The following SOCS7 variants were observed in gnomAD, a reference collection of about 807,000 sequenced individuals.
SOCS7 encodes NAP-4.
In SOCS7, 18 loss-of-function variants were observed where a neutral mutation model predicts 58.9. The ratio of observed to expected loss-of-function variants is 0.31; its 90% CI spans 0.21 to 0.45. The LOEUF is 0.45. Among genes scored for constraint, SOCS7 ranks in the 20% least tolerant of loss-of-function variants. SOCS7 has a pLI of 1.00. For missense variants in SOCS7, 667 were observed against 837.3 expected, an observed-to-expected ratio of 0.80 and a Z score of 2.51; for synonymous variants, 388 against 364.3, an observed-to-expected ratio of 1.06 and a Z score of -0.74.
chr17:38,352,122 C>T lies in SOCS7; in HGVS notation c.70C>T (p.Leu24Phe), dbSNP rs1285011125. The T allele has an allele frequency of 2.1e-6, 2 of 958,670 alleles. No individual in the cohort carries two copies. The highest frequency in any genetic ancestry group is 9.0e-5 in the Admixed American group (2 of 22,278). 59.4% of individuals were successfully genotyped at this position (958,670 alleles called of 1,614,324 possible). ...CGCTTCGTACCGCGTCCTGAGCCGC[C>T]TCCTTGGCTATGGAGAGGCGGCCCC... Reference protein sequence around the residue: ...AAASYRVLSRLLGYGEAAPEP... With the variant: ...AAASYRVLSRFLGYGEAAPEP... Residue 24 changes from leucine (L) to phenylalanine (F), a missense_variant, in exon 1 of 10, where the codon CTC becomes TTC. Physicochemically the swap from Leu to Phe is conservative, Grantham distance 22. This residue lies in a region of SOCS7 where 65 missense variants were observed against 51.0 expected (regional missense o/e 1.27). Transcript: ENST00000612932. This position sits in a 1 kb window ranked among gnomAD's most constrained non-coding sequence, Gnocchi z 5.5.
chr17:38,398,423 T>A (rs1445534768), intron 9 of SOCS7, among the ~76,000 whole-genome samples: 1 of 151,854 alleles, frequency 6.6e-6, no homozygotes, highest in Non-Finnish European at 1.5e-5. Flanking sequence ...TTTTGTATTT[T>A]TAGTAGACTG....
chr17:38,384,012 GT>G (rs1480056208), intron 7 of SOCS7, among the ~76,000 whole-genome samples: 54 of 152,150 alleles, frequency 3.5e-4, no homozygotes, highest in African/African-American at 1.3e-3. Flanking sequence ...GTTCGTCCTT[GT>G]TTTATAGGTA....
chr17:38,386,574 A>G (rs181209262), intron 7 of SOCS7, among the ~76,000 whole-genome samples: 1 of 152,240 alleles, frequency 6.6e-6, no homozygotes, highest in East Asian at 1.9e-4. Flanking sequence ...TTGTGATCTT[A>G]GCAGCTGTTC....
chr17:38,352,620 A>G lies in SOCS7; in HGVS notation c.568A>G (p.Ser190Gly), dbSNP rs1315788560. The G allele has an allele frequency of 1.3e-6, 2 of 1,549,986 alleles. No individual in the cohort carries two copies. The highest frequency in any genetic ancestry group is 1.7e-6 in the Non-Finnish European group (2 of 1,146,838). The change falls in exon 1 of 10, where the codon AGC (serine) becomes GGC (glycine). Residue 190 changes from serine to glycine, a missense_variant. Transcript: ENST00000612932. The surrounding 1 kb of genome is among the most constrained non-coding windows in gnomAD (Gnocchi z 5.5). ...VLEGLESEAE[S>G]LETNSCSEEE... ...GGAGGGCTTGGAATCGGAGGCCGAG[A>G]GCCTGGAGACTAACAGCTGCTCGGA...
chr17:38,401,491 A>G lies in SOCS7; in HGVS notation c.*2009A>G, dbSNP rs1335303350. The G allele has an allele frequency of 6.6e-6, 1 of 151,980 alleles. No homozygotes were observed. Among genetic ancestry groups the G allele is most frequent in the Non-Finnish European group, 1.5e-5 (1 of 68,016 alleles). The allele number at this position is 151,980 out of a possible 1,614,324, so 9.4% of individuals were successfully genotyped here. On this transcript the variant is annotated 3_prime_UTR_variant, in exon 10 of 10. Coordinates refer to ENST00000612932, the MANE Select transcript of SOCS7 (RefSeq NM_014598.4). ...TCCTTTTCAACCACCCATAATTTTA[A>G]TATTATTTTTTAGTGTGTGTGTGCC...
chr17:38,400,074 T>C lies in SOCS7; in HGVS notation c.*592T>C, dbSNP rs563958606. The C allele has an allele frequency of 6.0e-4, 92 of 152,068 alleles. No homozygotes were observed. The highest frequency in any genetic ancestry group is 2.2e-3 in the African/African-American group (91 of 41,468). 9.4% of individuals were successfully genotyped at this position (152,068 alleles called of 1,614,324 possible). A position where few individuals can be genotyped will look rare whatever the true frequency, so the allele number is the denominator to read the frequency against. On this transcript the variant is annotated 3_prime_UTR_variant, in exon 10 of 10. Coordinates refer to ENST00000612932, the MANE Select transcript of SOCS7 (RefSeq NM_014598.4). ...GCAGGAGAGAAAGGAGGGTGGGTGG[T>C]CTCGAAAAGAATATTGGGCAAAACC...
chr17:38,395,795 T>G, intron 8 of SOCS7, 53 bp from the exon 9 acceptor site: 1 of 1,573,502 alleles, frequency 6.4e-7, no homozygotes, highest in Non-Finnish European at 8.7e-7. Context: ...AGTTACTTCT[T>G]TTATATTTTG....
Position 38,361,771 on chromosome 17 carries a change from C to T in SOCS7, c.1041C>T (p.Phe347=). 6.2e-7 allele frequency: 1 copy of T among 1,610,196 alleles called. No individual in the cohort carries two copies. The highest frequency in any genetic ancestry group is 1.1e-5 in the South Asian group (1 of 90,710). ...AFSPVSFSPL[F]TGETVSLVDV... The stretch of plus-strand genomic sequence containing the variant: ...CTCCGGTCTCCTTCAGCCCCCTGTT[C>T]ACAGGTAAGGGTAATATCTTTCTCT... Residue 347 remains phenylalanine (F), a synonymous_variant, in exon 2 of 10, where the codon TTC becomes TTT. Coordinates refer to ENST00000612932, the MANE Select transcript of SOCS7 (RefSeq NM_014598.4).
At chr17:38,362,554 T>C (rs897563890) in intron 2 of SOCS7, among the ~76,000 whole-genome samples, 6 of 152,198 alleles carry the variant, frequency 3.9e-5, no homozygotes, top group African/African-American at 7.2e-5. Flanking sequence ...TCAAACTCCT[T>C]TGGATATCAT....
intron 7 of SOCS7, among the ~76,000 whole-genome samples, chr17:38,386,158 C>T (rs1208924371): frequency 1.3e-5 from 2 of 151,550 alleles, no homozygotes; most frequent in African/African-American, 4.9e-5. Flanking sequence ...AACCCTGTCT[C>T]ACTAAAAATA....
chr17:38,366,558 A>ATG, intron 5 of SOCS7, 141 bp downstream of exon 5: 1 of 1,018,886 alleles, frequency 9.8e-7, no homozygotes, highest in Non-Finnish European at 1.4e-6. Context: ...GTGGTGGCAT[A>ATG]ATCATAGCTC....
chr17:38,354,345 C>G lies in SOCS7; in HGVS notation c.980+1313C>G, dbSNP rs142627852. Among the ~76,000 whole-genome samples the G allele has an allele frequency of 9.9e-5, 15 of 152,240 alleles. No homozygotes were observed. In the East Asian group the frequency reaches 2.5e-3, roughly 25 times the overall value. On this transcript the variant is annotated intron_variant, in intron 1 of 9. Coordinates refer to ENST00000612932, the MANE Select transcript of SOCS7 (RefSeq NM_014598.4). ...TCACTTGGGGAGCTTTTTGAAAAGC[C>G]TAAGAGTTTGAACTTTTTAAAAGCT...
Position 38,352,085 on chromosome 17 carries a change from G to C in SOCS7, c.33G>C (p.Ala11=), listed in dbSNP as rs1421967595. The change falls in exon 1 of 10, where the codon GCG becomes GCC. Residue 11 remains alanine, a synonymous_variant. Coordinates refer to ENST00000612932, the MANE Select transcript of SOCS7 (RefSeq NM_014598.4). The surrounding 1 kb of genome is among the most constrained non-coding windows in gnomAD (Gnocchi z 5.5). ...AGGCCGAGCTCCGGGATGGCGAGGC[G>C]GCGGCGGCGGCCGCTTCGTACCGCG... MQEAELRDGE[A]AAAAASYRVL... 4 of 496,488 alleles carry C rather than the reference G, an allele frequency of 8.1e-6. No individual in the cohort carries two copies. The highest frequency in any genetic ancestry group is 1.2e-5 in the Non-Finnish European group (4 of 330,116). The allele number at this position is 496,488 out of a possible 1,614,324, so 30.8% of individuals were successfully genotyped here.
At chr17:38,365,467 T>A (rs1370164195) in intron 4 of SOCS7, 58 bp downstream of exon 4, 2 of 1,127,142 alleles carry the variant, frequency 1.8e-6, no homozygotes, top group African/African-American at 3.1e-5. Flanking sequence ...TGATACTTTC[T>A]ACCATAGAAG....
In SOCS7 at chr17:38,352,345, C is replaced by T. The variant is rs2037564704; in HGVS notation, c.293C>T (p.Ala98Val). The T allele has an allele frequency of 2.0e-6, 3 of 1,474,926 alleles. No homozygotes were observed. Among genetic ancestry groups the T allele is most frequent in the South Asian group, 2.6e-5 (2 of 75,754 alleles). The allele number at this position is 1,474,926 out of a possible 1,614,324, so 91.4% of individuals were successfully genotyped here. Residue 98 changes from alanine (A) to valine (V), a missense_variant, in exon 1 of 10, where the codon GCC (alanine) becomes GTC (valine). Ala to Val is a moderately conservative substitution (Grantham distance 64). Coordinates refer to ENST00000612932, the MANE Select transcript of SOCS7 (RefSeq NM_014598.4). The surrounding 1 kb of genome is among the most constrained non-coding windows in gnomAD (Gnocchi z 5.5). ...CTGCTGTGTCCCCGGCACCGCTGTGCCCTGGACCCCAAGGCCCTGCCGCCG... is the reference window on the plus strand; with the variant it reads ...CTGCTGTGTCCCCGGCACCGCTGTGTCCTGGACCCCAAGGCCCTGCCGCCG... ...SELLCPRHRCALDPKALPPGL... is the reference protein window; with the variant it reads ...SELLCPRHRCVLDPKALPPGL...
At chr17:38,388,055 G>A (rs910707257) in intron 7 of SOCS7, among the ~76,000 whole-genome samples, 3 of 151,776 alleles carry the variant, frequency 2.0e-5, no homozygotes, top group African/African-American at 7.3e-5. Context: ...TATAGGCATA[G>A]GTGTGAACCA....
chr17:38,370,464 C>CTAG (rs1415693299), intron 6 of SOCS7, among the ~76,000 whole-genome samples: 1 of 151,976 alleles, frequency 6.6e-6, no homozygotes, highest in East Asian at 1.9e-4. Flanking sequence ...CTCAGCCTTG[C>CTAG]TAGTAGGTGG....
chr17:38,389,159 C>T (rs2038118479), intron 7 of SOCS7, among the ~76,000 whole-genome samples: 1 of 152,194 alleles, frequency 6.6e-6, no homozygotes, highest in Non-Finnish European at 1.5e-5. Context: ...TTGCATTTCC[C>T]TAATGACTAA....
chr17:38,367,951 T>G lies in SOCS7; in HGVS notation c.1453T>G (p.Ser485Ala), dbSNP rs143317326. The G allele has an allele frequency of 1.9e-6, 3 of 1,614,150 alleles. No homozygotes were observed. The African/African-American group carries it at 4.0e-5, about 22-fold the overall frequency. Residue 485 changes from serine to alanine, a missense_variant, in exon 6 of 10, where the codon TCT becomes GCT. Transcript: ENST00000612932. The stretch of plus-strand genomic sequence containing the variant: ...GAAGCTGAAAGGGAAACCAGATGGT[T>G]CTTTCCTGGTACGAGACAGTTCTGA... ...EMKLKGKPDG[S>A]FLVRDSSDPR...
Sources: allele counts gnomAD v4.1 joint callset (sites outside exome capture counted in the v4.1 genomes callset), GRCh38; gene constraint gnomAD v4.1.1; regional missense constraint gnomAD v4.1.1; non-coding constraint Gnocchi (gnomAD v3.1); transcripts MANE v1.5; gene names NCBI Gene and HGNC (gene_info 2026-07-23, HGNC 2026-07-21).